The following GPR158 variants were observed in gnomAD, a reference collection of about 807,000 sequenced individuals.
The protein encoded by GPR158 is G protein-coupled receptor 158, also known as metabotropic glycine receptor.
GPR158 carries 30 observed loss-of-function variants against 78.2 expected under a neutral mutation model. The ratio of observed to expected loss-of-function variants is 0.38; its 90% CI spans 0.29 to 0.52. GPR158 has a LOEUF of 0.52. GPR158 is among the 20% of genes least tolerant of loss of function. GPR158 has a pLI of 0.83. For synonymous variants in GPR158, 581 were observed against 591.1 expected (o/e 0.98, Z 0.25); for missense variants, 1,463 against 1,523.5 (o/e 0.96, Z 0.66).
intron 5 of GPR158, among the ~76,000 whole-genome samples, chr10:25,532,825 C>A (rs1836444541): frequency 1.3e-5 from 2 of 151,792 alleles, no homozygotes; most frequent in African/African-American, 4.8e-5. Flanking sequence ...CCAACCTATT[C>A]AGAGATAGTC....
chr10:25,415,031 A>G (rs924573491), intron 4 of GPR158, among the ~76,000 whole-genome samples: 2 of 152,120 alleles, frequency 1.3e-5, no homozygotes, highest in African/African-American at 4.8e-5. Context: ...TTAAATTAAA[A>G]TGGATCATAG....
At chr10:25,530,570 G>A (rs548870235) in intron 5 of GPR158, among the ~76,000 whole-genome samples, 14 of 152,240 alleles carry the variant, frequency 9.2e-5, no homozygotes, top group African/African-American at 3.1e-4. Flanking sequence ...TAGTGAGTCC[G>A]CAACAGGCAG....
chr10:25,372,827 G>T (rs1480000419), intron 2 of GPR158, among the ~76,000 whole-genome samples: 2 of 104,112 alleles, frequency 1.9e-5, no homozygotes, highest in African/African-American at 7.6e-5. Context: ...CCTGCACATT[G>T]TGCACATGTA....
At chr10:25,578,168 A>C (rs1325618660) in intron 7 of GPR158, among the ~76,000 whole-genome samples, 1 of 152,182 alleles carries the variant, frequency 6.6e-6, no homozygotes, top group Non-Finnish European at 1.5e-5. Context: ...GAGTACGTTT[A>C]AATATATTTT....
chr10:25,487,709 G>A (rs2130643640), intron 5 of GPR158, among the ~76,000 whole-genome samples: 2 of 133,492 alleles, frequency 1.5e-5, no homozygotes, highest in Middle Eastern at 7.3e-3. Flanking sequence ...TATTCATATA[G>A]GGTAAGTTAA....
intron 2 of GPR158, among the ~76,000 whole-genome samples, chr10:25,378,158 T>C (rs1834108689): frequency 6.6e-6 from 1 of 152,130 alleles, no homozygotes; most frequent in African/African-American, 2.4e-5. Flanking sequence ...CAAACTTAAC[T>C]TGTCTAACCA....
intron 4 of GPR158, among the ~76,000 whole-genome samples, chr10:25,414,315 C>T (rs111622505): frequency 0.01 from 1,544 of 152,180 alleles, 42 homozygotes; most frequent in African/African-American, 0.035. Context: ...TTTTAATGAC[C>T]AGAATCCTAC....
chr10:25,181,400 GCCA>G (rs1053800926), intron 1 of GPR158, among the ~76,000 whole-genome samples: 2 of 152,080 alleles, frequency 1.3e-5, no homozygotes, highest in African/African-American at 4.8e-5. Flanking sequence ...TCCTCAGCTG[GCCA>G]TAACTGTCTT....
At chr10:25,357,013 C>T (rs564477409) in intron 2 of GPR158, among the ~76,000 whole-genome samples, 165 of 152,126 alleles carry the variant, frequency 1.1e-3, no homozygotes, top group African/African-American at 3.8e-3. Flanking sequence ...CTGAAGTGGT[C>T]TCAAATGGAG....
intron 2 of GPR158, among the ~76,000 whole-genome samples, chr10:25,282,412 A>AT (rs1854288541): frequency 6.6e-6 from 1 of 152,176 alleles, no homozygotes; most frequent in Non-Finnish European, 1.5e-5. Flanking sequence ...CAGTTTCTTA[A>AT]CAATTATGCT....
At chr10:25,391,073 G>A (rs545345335) in intron 2 of GPR158, among the ~76,000 whole-genome samples, 1 of 152,340 alleles carries the variant, frequency 6.6e-6, no homozygotes, top group Non-Finnish European at 1.5e-5. Flanking sequence ...GGGCCTGTGG[G>A]TGCACAGAAG....
At chr10:25,211,309 TATTTGGCTCACAATAAATGA>T (rs1206973471) in intron 1 of GPR158, among the ~76,000 whole-genome samples, 6 of 152,188 alleles carry the variant, frequency 3.9e-5, no homozygotes, top group Non-Finnish European at 7.3e-5. Context: ...ATTAGACATT[TATTTGGCTCACAATAAATGA>T]TTAGAAGTTT....
chr10:25,453,893 T>A (rs1439893019), intron 4 of GPR158, among the ~76,000 whole-genome samples: 1 of 152,184 alleles, frequency 6.6e-6, no homozygotes, highest in Non-Finnish European at 1.5e-5. Flanking sequence ...TTTTGACTTG[T>A]AATTGCTTTA....
chr10:25,324,364 T>C (rs1217913354), intron 2 of GPR158, among the ~76,000 whole-genome samples: 2 of 152,164 alleles, frequency 1.3e-5, no homozygotes, highest in Admixed American at 6.5e-5. Flanking sequence ...TATTGTTGTG[T>C]GTCAGGGAAT....
intron 5 of GPR158, among the ~76,000 whole-genome samples, chr10:25,509,837 CT>C (rs1836060544): frequency 6.6e-6 from 1 of 152,326 alleles, no homozygotes; most frequent in Admixed American, 6.5e-5. Flanking sequence ...CCTCAGCCTC[CT>C]GAGTAGCTGG....
chr10:25,309,646 A>G (rs543308265), intron 2 of GPR158, among the ~76,000 whole-genome samples: 3 of 152,212 alleles, frequency 2.0e-5, no homozygotes, highest in East Asian at 1.9e-4. Flanking sequence ...TGTAGCACCC[A>G]TAATCCCCAT....
At chr10:25,474,520 C>A (rs1835554139) in intron 5 of GPR158, among the ~76,000 whole-genome samples, 1 of 152,156 alleles carries the variant, frequency 6.6e-6, no homozygotes, top group Non-Finnish European at 1.5e-5. Context: ...GACCCCTAAT[C>A]TGAGTCAGAT....
At chr10:25,595,870 A>G (rs1433832901) in intron 9 of GPR158, among the ~76,000 whole-genome samples, 1 of 152,234 alleles carries the variant, frequency 6.6e-6, no homozygotes, top group African/African-American at 2.4e-5. Flanking sequence ...CTTTAAAGTT[A>G]TAAATTTTAT....
intron 2 of GPR158, among the ~76,000 whole-genome samples, chr10:25,292,206 A>T (rs2130765687): frequency 6.6e-6 from 1 of 152,232 alleles, no homozygotes; most frequent in East Asian, 1.9e-4. Flanking sequence ...GTAGAAGTAG[A>T]AAAAAGGCAC....
Sources: gnomAD v4.1 joint callset for allele counts (sites outside exome capture counted in the v4.1 genomes callset) on GRCh38, gnomAD v4.1.1 for gene constraint, MANE v1.5 for transcripts, NCBI Gene and HGNC (gene_info 2026-07-23, HGNC 2026-07-21) for gene names.